The following STIM1 variants were observed in gnomAD, a reference collection of about 807,000 sequenced individuals.
STIM1 encodes the protein stromal interaction molecule 1.
In STIM1, 25 loss-of-function variants were observed where a neutral mutation model predicts 74.7. That is an observed-to-expected ratio of 0.33 (90% CI 0.24 to 0.47). The LOEUF is 0.47. Ranked by LOEUF, STIM1 falls within the 20% of genes least tolerant of loss-of-function variation. The pLI is 1.00. For missense variants in STIM1, 728 were observed against 920.8 expected, an observed-to-expected ratio of 0.79 and a Z score of 2.71; for synonymous variants, 328 against 348.8, an observed-to-expected ratio of 0.94 and a Z score of 0.66.
intron 2 of STIM1, among the ~76,000 whole-genome samples, chr11:3,997,806 C>T (rs954187948): frequency 6.6e-6 from 1 of 152,122 alleles, no homozygotes; most frequent in Non-Finnish European, 1.5e-5. Flanking sequence ...GAGGGTCTTG[C>T]ATAAAGTTGT....
At chr11:3,967,045 T>A (rs759407133) in intron 1 of STIM1, among the ~76,000 whole-genome samples, 32 of 152,222 alleles carry the variant, frequency 2.1e-4, no homozygotes, top group Non-Finnish European at 4.0e-4. Flanking sequence ...CTTATATGTA[T>A]CAGCACTGAC....
chr11:3,863,047 C>G (rs1485970687), intron 1 of STIM1, among the ~76,000 whole-genome samples: 8 of 151,946 alleles, frequency 5.3e-5, no homozygotes, highest in African/African-American at 1.9e-4. Flanking sequence ...TGCCCGCCAC[C>G]ACACCTGGCT....
At chr11:4,030,577 AACCTCAG>A (rs1240401189) in intron 3 of STIM1, among the ~76,000 whole-genome samples, 1 of 152,250 alleles carries the variant, frequency 6.6e-6, no homozygotes, top group Non-Finnish European at 1.5e-5. Flanking sequence ...TTTAGTTAAA[AACCTCAG>A]ACATTAGTTG....
At chr11:3,950,467 G>A (rs2093133383) in intron 1 of STIM1, among the ~76,000 whole-genome samples, 1 of 151,920 alleles carries the variant, frequency 6.6e-6, no homozygotes, top group African/African-American at 2.4e-5. Context: ...ATGTACCATT[G>A]TACATAAGTA....
At chr11:3,994,484 A>G (rs2093644584) in intron 2 of STIM1, among the ~76,000 whole-genome samples, 1 of 138,042 alleles carries the variant, frequency 7.2e-6, no homozygotes, top group Non-Finnish European at 1.5e-5. Flanking sequence ...TTTTTGAGAC[A>G]TAGTCTCACT....
chr11:4,030,731 A>G (rs2094042992), intron 3 of STIM1, among the ~76,000 whole-genome samples: 1 of 152,162 alleles, frequency 6.6e-6, no homozygotes, highest in South Asian at 2.1e-4. Context: ...CAGTCATTTT[A>G]TATTTATTTT....
intron 1 of STIM1, among the ~76,000 whole-genome samples, chr11:3,932,571 A>T (rs1276071776): frequency 6.7e-6 from 1 of 149,776 alleles, no homozygotes; most frequent in Non-Finnish European, 1.5e-5. Flanking sequence ...CTGAGGCAGG[A>T]GAATGGCATG....
intron 1 of STIM1, among the ~76,000 whole-genome samples, chr11:3,873,810 CAGAAGTCAG>C (rs2091218923): frequency 1.3e-5 from 2 of 152,142 alleles, no homozygotes; most frequent in Non-Finnish European, 2.9e-5. Context: ...TACTCTTAGC[CAGAAGTCAG>C]AGCTTGGTGA....
chr11:4,031,136 T>A (rs1167168579), intron 3 of STIM1, among the ~76,000 whole-genome samples: 2 of 152,188 alleles, frequency 1.3e-5, no homozygotes, highest in African/African-American at 4.8e-5. Flanking sequence ...GTAAATGGAG[T>A]TATATAATAT....
chr11:3,944,355 G>C (rs1456541755), intron 1 of STIM1, among the ~76,000 whole-genome samples: 1 of 152,190 alleles, frequency 6.6e-6, no homozygotes, highest in Admixed American at 6.5e-5. Context: ...TGGCAGCCAA[G>C]GTTTTGTGCC....
At chr11:3,912,245 T>C (rs1287547855) in intron 1 of STIM1, among the ~76,000 whole-genome samples, 1 of 100,800 alleles carries the variant, frequency 9.9e-6, no homozygotes, top group African/African-American at 3.7e-5. Flanking sequence ...CCTTATCCCC[T>C]CCCTTCTCTC....
At chr11:3,967,842 C>G (rs1482134509) in intron 2 of STIM1, among the ~76,000 whole-genome samples, 160 bp downstream of exon 2, 4 of 152,218 alleles carry the variant, frequency 2.6e-5, no homozygotes, top group African/African-American at 9.6e-5. Context: ...AAGAGCAGCC[C>G]TCTAGGAGTC....
At chr11:4,087,175 C>T (rs1435373759) in intron 12 of STIM1, among the ~76,000 whole-genome samples, 1 of 152,192 alleles carries the variant, frequency 6.6e-6, no homozygotes, top group Non-Finnish European at 1.5e-5. Flanking sequence ...ACTCCTTCAA[C>T]AAACATTTAC....
intron 2 of STIM1, chr11:3,974,020 A>T (rs2093421673): frequency 4.3e-6 from 3 of 690,518 alleles, no homozygotes; most frequent in Admixed American, 2.0e-5. Flanking sequence ...GTAGCCTTGC[A>T]TTCACGGCTG....
intron 2 of STIM1, among the ~76,000 whole-genome samples, chr11:3,975,015 A>C (rs2093432744): frequency 6.6e-6 from 1 of 152,174 alleles, no homozygotes; most frequent in Non-Finnish European, 1.5e-5. Flanking sequence ...CTTATTTAAT[A>C]CATATTAAAG....
At chr11:4,045,190 G>A (rs1177762932) in intron 3 of STIM1, among the ~76,000 whole-genome samples, 1 of 152,020 alleles carries the variant, frequency 6.6e-6, no homozygotes, top group Non-Finnish European at 1.5e-5. Context: ...TAAAAAAGTA[G>A]CCTTCTTTCC....
chr11:3,989,916 T>C (rs2093593991), intron 2 of STIM1, among the ~76,000 whole-genome samples: 1 of 152,214 alleles, frequency 6.6e-6, no homozygotes, highest in Non-Finnish European at 1.5e-5. Context: ...TCACATACCG[T>C]GCAATTCACC....
At chr11:3,923,504 G>A (rs2092746755) in intron 1 of STIM1, among the ~76,000 whole-genome samples, 1 of 151,252 alleles carries the variant, frequency 6.6e-6, no homozygotes, top group African/African-American at 2.4e-5. Flanking sequence ...AGCTACTTGG[G>A]AGGCTGAGGC....
chr11:4,039,620 T>C (rs2094132755), intron 3 of STIM1, among the ~76,000 whole-genome samples: 3 of 134,084 alleles, frequency 2.2e-5, no homozygotes, highest in Non-Finnish European at 4.8e-5. Context: ...AGAAAGAAAA[T>C]GTCAGTGATT....
Sources: gnomAD v4.1 joint callset for allele counts (sites outside exome capture counted in the v4.1 genomes callset) on GRCh38, gnomAD v4.1.1 for gene constraint, MANE v1.5 for transcripts, NCBI Gene and HGNC (gene_info 2026-07-23, HGNC 2026-07-21) for gene names.